VRK2: variants seen among roughly 807,000 people sequenced by gnomAD.
The protein encoded by VRK2 is serine/threonine-protein kinase VRK2.
In VRK2, 60 loss-of-function variants were observed where a neutral mutation model predicts 57.6. The observed-to-expected ratio is 1.04, with a 90% CI of 0.85 to 1.29. The LOEUF is 1.29. Ranked by LOEUF, VRK2 falls within the 50% of genes most tolerant of loss-of-function variation. The probability of loss-of-function intolerance (pLI) is 0.00; values close to 1 mark genes in which losing one functional copy is unlikely to be tolerated. For missense variants in VRK2, 705 were observed against 588.1 expected (o/e 1.20, Z -2.06); for synonymous variants, 231 against 199.2 (o/e 1.16, Z -1.35).
intron 1 of VRK2, among the ~76,000 whole-genome samples, chr2:58,006,261 T>G (rs1179300627): frequency 1.3e-5 from 2 of 152,174 alleles, no homozygotes. Flanking sequence ...GATTCTGCAT[T>G]TAATGTTAAA....
intron 7 of VRK2, among the ~76,000 whole-genome samples, chr2:58,090,123 C>CGGT (rs1558622241): frequency 6.6e-6 from 1 of 152,092 alleles, no homozygotes; most frequent in African/African-American, 2.4e-5. Flanking sequence ...AGGCCGGGCG[C>CGGT]GGTGGCTCAT....
rs374954849 is a variant in VRK2 at position 58,144,504 on chromosome 2, T to TATA, written c.1024-1810_1024-1809insAAT. Reference sequence around the variant, plus strand: ...AAAACATCACATTGTATACCTTATATATTTTTATTGTCAAACATATCTCAA... The same window carrying TATA: ...AAAACATCACATTGTATACCTTATATATAATTTTTATTGTCAAACATATCTCAA... On this transcript the variant is annotated intron_variant, in intron 11 of 12. Transcript: ENST00000340157. 5.3e-3 allele frequency among the ~76,000 whole-genome samples: 811 copies of TATA among 152,162 alleles called. 8 individuals are homozygous for TATA. The highest frequency in any genetic ancestry group is 0.018 in the African/African-American group (763 of 41,540).
intron 1 of VRK2, among the ~76,000 whole-genome samples, chr2:58,023,471 G>GA (rs1558545370): frequency 6.6e-6 from 1 of 151,976 alleles, no homozygotes; most frequent in Non-Finnish European, 1.5e-5. Flanking sequence ...ATGTTGCTAT[G>GA]AACATCCGTA....
chr2:57,935,246 A>G lies in VRK2; in HGVS notation c.-439+27407A>G, dbSNP rs372564725. Among the ~76,000 whole-genome samples, 8 of 152,168 alleles carry G rather than the reference A, an allele frequency of 5.3e-5. No individual in the cohort carries two copies. The East Asian group carries it at 1.6e-3, about 30-fold the overall frequency. On this transcript the variant is annotated intron_variant, in intron 1 of 15. Coordinates refer to the VRK2 transcript ENST00000417641. ...GGCAGAAAAAATGCCTTCATCAGTC[A>G]GCCCAGCTAAAGATTCTTAAACTGT...
At chr2:57,949,078 A>AGGGG (rs1671346718) in intron 1 of VRK2, among the ~76,000 whole-genome samples, 10 of 141,262 alleles carry the variant, frequency 7.1e-5, no homozygotes, top group African/African-American at 1.4e-4. Context: ...GGTGGGGGAC[A>AGGGG]GGGGGCGGGA....
At chr2:58,046,520 G>GT (rs1474865536), upstream of VRK2, 3 of 985,418 alleles carry the variant, frequency 3.0e-6, no homozygotes, top group African/African-American at 5.2e-5. Flanking sequence ...TGCTTATTTC[G>GT]TACCAAACTG....
At chr2:58,115,369 C>A (rs958644705) in intron 7 of VRK2, among the ~76,000 whole-genome samples, 1 of 152,070 alleles carries the variant, frequency 6.6e-6, no homozygotes, top group African/African-American at 2.4e-5. Flanking sequence ...GCTGAAGGAG[C>A]TGGGGAGCAG....
Position 58,146,444 on chromosome 2 carries a change from G to GCAACA in VRK2, c.1152_1153insCAACA (p.Ile385GlnfsTer5). 6.2e-7 allele frequency: 1 copy of GCAACA among 1,610,982 alleles called. No individual in the cohort carries two copies. On this transcript the variant is annotated frameshift_variant, in exon 12 of 13. Coordinates refer to ENST00000340157, the MANE Select transcript of VRK2 (RefSeq NM_006296.7). LOFTEE classifies it low-confidence loss of function (END_TRUNC). ...GGAAAGTGCAGAAAGAGGAGAAACT[G>GCAACA]ATTGGATTGATGAACAATGAAGCAG...
chr2:58,147,114 T>G, intron 12 of VRK2: 2 of 516,952 alleles, frequency 3.9e-6, no homozygotes, highest in Non-Finnish European at 7.7e-6. Context: ...ACAGGATAAT[T>G]TAATACCCCA....
chr2:58,157,848 CAT>C (rs919875444), intron 12 of VRK2, among the ~76,000 whole-genome samples: 96 of 152,320 alleles, frequency 6.3e-4, no homozygotes, highest in African/African-American at 1.5e-3. Flanking sequence ...CAAAAGCCCA[CAT>C]AGACAATACA....
chr2:58,087,713 G>T (rs754534833), intron 5 of VRK2, among the ~76,000 whole-genome samples: 3 of 152,178 alleles, frequency 2.0e-5, no homozygotes, highest in African/African-American at 7.2e-5. Flanking sequence ...ATGTGGCTGG[G>T]CACGGTGGCT....
chr2:58,046,997 C>T (rs1208082713), intron 1 of VRK2, 129 bp downstream of exon 1: 1 of 984,418 alleles, frequency 1.0e-6, no homozygotes, highest in Admixed American at 6.1e-5. Context: ...GTCCCAGCCC[C>T]CGGGCCTCAG....
At position 58,159,384 on chromosome 2, in the gene VRK2, TC is replaced by T. The variant is rs1303684045; in HGVS notation, c.1219del (p.Gln407LysfsTer4). On this transcript the variant is annotated frameshift_variant, in exon 13 of 13. Coordinates refer to ENST00000340157, the MANE Select transcript of VRK2 (RefSeq NM_006296.7). LOFTEE classifies it low-confidence loss of function (END_TRUNC). Reference protein sequence around the residue: ...TRRRQKYQESQEPLNEVNSFP... With the variant: ...TRRRQKYQESXEPLNEVNSFP... ...GGAGAAGACAGAAATATCAAGAGTC[TC>T]AAGAACCTTTGAATGAAGTAAACAG... 4.3e-6 allele frequency: 7 copies of T among 1,612,498 alleles called. No individual in the cohort carries two copies. Among genetic ancestry groups the T allele is most frequent in the Non-Finnish European group, 5.9e-6 (7 of 1,179,370 alleles).
chr2:57,946,476 T>G (rs1478476021), intron 1 of VRK2, among the ~76,000 whole-genome samples: 1 of 152,064 alleles, frequency 6.6e-6, no homozygotes, highest in Non-Finnish European at 1.5e-5. Context: ...AACTTTACAG[T>G]TTACTAAATA....
intron 2 of VRK2, among the ~76,000 whole-genome samples, chr2:58,078,966 C>T (rs949378146): frequency 3.9e-5 from 6 of 152,138 alleles, no homozygotes; most frequent in African/African-American, 1.4e-4. Flanking sequence ...AGCCACTGCA[C>T]TGAGCTGATT....
intron 1 of VRK2, among the ~76,000 whole-genome samples, chr2:57,915,495 A>G (rs1216809756): frequency 6.6e-6 from 1 of 152,160 alleles, no homozygotes; most frequent in Non-Finnish European, 1.5e-5. Context: ...TTATATACAT[A>G]TGTGCTCCCT....
chr2:58,016,200 TAAGGATAAAATTTGTTATTGTATGTA>T (rs1407471539), intron 1 of VRK2, among the ~76,000 whole-genome samples: 1 of 152,154 alleles, frequency 6.6e-6, no homozygotes, highest in Non-Finnish European at 1.5e-5. Context: ...AGTTTTGTTA[TAAGGATAAAATTTGTTATTGTATGTA>T]AAGGAGTAAA....
chr2:58,118,250 A>G (rs1390026829), intron 7 of VRK2, among the ~76,000 whole-genome samples: 3 of 152,232 alleles, frequency 2.0e-5, no homozygotes, highest in Non-Finnish European at 2.9e-5. Flanking sequence ...ACTTGCCGCT[A>G]AGGGTGAAGG....
Position 57,923,739 on chromosome 2 carries a change from C to T in VRK2, c.-439+15900C>T, listed in dbSNP as rs147938208. On this transcript the variant is annotated intron_variant, in intron 1 of 15. Transcript: ENST00000417641. ...CTGAAGCTTTTTAGTTAGTTGTGAT[C>T]CCGTTTATCCCCTTTTGCTTTGGTT... 7.2e-3 allele frequency among the ~76,000 whole-genome samples: 1,089 copies of T among 151,984 alleles called. 9 individuals are homozygous for T. The highest frequency in any genetic ancestry group is 0.011 in the Non-Finnish European group (773 of 67,900).
Sources: allele counts gnomAD v4.1 joint callset (sites outside exome capture counted in the v4.1 genomes callset), GRCh38; gene constraint gnomAD v4.1.1; transcripts MANE v1.5; gene names NCBI Gene and HGNC (gene_info 2026-07-23, HGNC 2026-07-21).